STAT4: variants seen among roughly 807,000 people sequenced by gnomAD.
STAT4 encodes the protein signal transducer and activator of transcription 4.
Under a neutral mutation model 110.5 loss-of-function variants are expected in STAT4, and 42 were observed. The observed-to-expected ratio is 0.38, with a 90% CI of 0.30 to 0.49. STAT4 has a LOEUF of 0.49. STAT4 is among the 20% of genes least tolerant of loss of function. The pLI, the probability that STAT4 is intolerant of heterozygous loss-of-function variation, is 0.95. For missense variants in STAT4, 632 were observed against 887.9 expected (o/e 0.71, Z 3.66); for synonymous variants, 284 against 302.2 (o/e 0.94, Z 0.63).
intron 3 of STAT4, among the ~76,000 whole-genome samples, chr2:191,081,256 G>A (rs1205197048): frequency 6.6e-6 from 1 of 152,164 alleles, no homozygotes; most frequent in Admixed American, 6.5e-5. Context: ...GAGCATCTGG[G>A]TTGGTTCCAA....
At chr2:191,067,585 A>G (rs1697030245) in intron 6 of STAT4, among the ~76,000 whole-genome samples, 1 of 152,144 alleles carries the variant, frequency 6.6e-6, no homozygotes, top group African/African-American at 2.4e-5. Flanking sequence ...TTTAAAAATA[A>G]TTTGCTTCTA....
At position 191,030,009 on chromosome 2, in the gene STAT4, T is replaced by G; in HGVS notation, c.2221-143A>C. 1.5e-6 allele frequency: 1 copy of G among 679,214 alleles called. No homozygotes were observed. The highest frequency in any genetic ancestry group is 2.6e-5 in the East Asian group (1 of 37,854). 42.1% of individuals were successfully genotyped at this position (679,214 alleles called of 1,614,324 possible). On this transcript the variant is annotated intron_variant, in intron 23 of 23. Transcript: ENST00000392320. This position sits in a 1 kb window ranked among gnomAD's most constrained non-coding sequence, Gnocchi z 4.4. The stretch of plus-strand genomic sequence containing the variant: ...CTAGTTAAAATACTTAAACTAAGTA[T>G]TTGCAAAAGTAATTGGGGTTGATCA...
intron 6 of STAT4, among the ~76,000 whole-genome samples, chr2:191,069,256 G>A (rs1697078136): frequency 6.6e-6 from 1 of 151,870 alleles, no homozygotes; most frequent in Non-Finnish European, 1.5e-5. Context: ...TTTCTCCTAT[G>A]AAACACATTT....
intron 4 of STAT4, chr2:191,076,008 G>A (rs1158966209): frequency 1.0e-5 from 5 of 477,854 alleles, no homozygotes; most frequent in African/African-American, 9.8e-5. Context: ...TGCCACCATA[G>A]CCAACTAATT....
intron 3 of STAT4, among the ~76,000 whole-genome samples, chr2:191,121,641 A>C (rs1325099719): frequency 2.0e-5 from 3 of 152,196 alleles, no homozygotes; most frequent in African/African-American, 4.8e-5. Context: ...TGAAGCTGGA[A>C]ACCATCATTC....
rs1697775562 is a variant in STAT4, at chr2:191,090,757, T to TCACCGTGTTAGCCTGA, written c.274-14448_274-14433dup. ...TTGTATTTTTAGTAGAGACAGGGTT[T>TCACCGTGTTAGCCTGA]CACCGTGTTAGCCTGACACCGTGTT... On this transcript the variant is annotated intron_variant, in intron 3 of 23. Coordinates refer to ENST00000392320, the MANE Select transcript of STAT4 (RefSeq NM_003151.4). This position sits in a 1 kb window ranked among gnomAD's most constrained non-coding sequence, Gnocchi z 4.2. Among the ~76,000 whole-genome samples the TCACCGTGTTAGCCTGA allele has an allele frequency of 6.6e-6, 1 of 152,080 alleles. No homozygotes were observed. The highest frequency in any genetic ancestry group is 2.4e-5 in the African/African-American group (1 of 41,380).
intron 3 of STAT4, among the ~76,000 whole-genome samples, chr2:191,141,584 T>TACATATATATGTGTATATATACACACAC (rs1559085828): frequency 1.7e-5 from 2 of 120,470 alleles, no homozygotes; most frequent in African/African-American, 6.0e-5. Context: ...TATATACATA[T>TACATATATATGTGTATATATACACACAC]ACATATATAT....
Position 191,127,654 on chromosome 2 carries a change from G to C in STAT4, c.273+18959C>G, listed in dbSNP as rs577840016. Among the ~76,000 whole-genome samples, 4 of 152,234 alleles carry C rather than the reference G, an allele frequency of 2.6e-5. No homozygotes were observed. In the South Asian group the frequency reaches 8.3e-4, roughly 32 times the overall value. ...ATCAATATTCAGTCAACAAATATCTGGAGTAGATAGCCATTGTACCCCAAA... is the reference window on the plus strand; with the variant it reads ...ATCAATATTCAGTCAACAAATATCTCGAGTAGATAGCCATTGTACCCCAAA... On this transcript the variant is annotated intron_variant, in intron 3 of 23. Transcript: ENST00000392320.
rs11685878 is a variant in STAT4, at chr2:191,144,729, T to C, written c.273+1884A>G. ...AGCCCACAAAAGATGGGTTGTTTTCTTACCCCTGATTTACACTGAGAAAAT... is the reference window on the plus strand; with the variant it reads ...AGCCCACAAAAGATGGGTTGTTTTCCTACCCCTGATTTACACTGAGAAAAT... On this transcript the variant is annotated intron_variant, in intron 3 of 23. Coordinates refer to ENST00000392320, the MANE Select transcript of STAT4 (RefSeq NM_003151.4). The surrounding 1 kb of genome is among the most constrained non-coding windows in gnomAD (Gnocchi z 4.7). Among the ~76,000 whole-genome samples, 80,185 of 151,856 alleles carry C rather than the reference T, an allele frequency of 0.53. 22,535 individuals carry two copies. The highest frequency in any genetic ancestry group is 0.65 in the South Asian group (3,108 of 4,806).
intron 14 of STAT4, among the ~76,000 whole-genome samples, chr2:191,045,645 C>T (rs990834027): frequency 5.9e-5 from 9 of 152,180 alleles, no homozygotes; most frequent in African/African-American, 2.2e-4. Flanking sequence ...ATAATAAAAA[C>T]AGTCTAATGT....
intron 3 of STAT4, among the ~76,000 whole-genome samples, chr2:191,133,686 A>G (rs1349567020): frequency 6.6e-5 from 10 of 151,654 alleles, no homozygotes. Flanking sequence ...TTCTTAAGTC[A>G]TTCTATCTGA....
rs1177655517 is a variant in STAT4, at chr2:191,107,881, T to C, written c.274-31556A>G. ...TTTCTATAGGATGAAGGGCCCAAAG[T>C]TTCTACAGAACATTTCTTTCATTGA... On this transcript the variant is annotated intron_variant, in intron 3 of 23. Coordinates refer to ENST00000392320, the MANE Select transcript of STAT4 (RefSeq NM_003151.4). The surrounding 1 kb of genome is among the most constrained non-coding windows in gnomAD (Gnocchi z 4.2). Among the ~76,000 whole-genome samples the C allele has an allele frequency of 6.6e-6, 1 of 152,184 alleles. No individual in the cohort carries two copies. Among genetic ancestry groups the C allele is most frequent in the Non-Finnish European group, 1.5e-5 (1 of 68,032 alleles).
In STAT4 at chr2:191,150,593, C is replaced by T. The variant is rs1162803292; in HGVS notation, c.-2+354G>A. Among the ~76,000 whole-genome samples, 2 of 152,190 alleles carry T rather than the reference C, an allele frequency of 1.3e-5. No individual in the cohort carries two copies. The highest frequency in any genetic ancestry group is 2.9e-5 in the Non-Finnish European group (2 of 68,034). On this transcript the variant is annotated intron_variant, in intron 1 of 23. Coordinates refer to ENST00000392320, the MANE Select transcript of STAT4 (RefSeq NM_003151.4). The surrounding 1 kb of genome is among the most constrained non-coding windows in gnomAD (Gnocchi z 6.4). ...TTTTCTGAAATCCAGGTACGCTAAT[C>T]TAAAGTCAGACATCACAGCTCTAGA...
intron 3 of STAT4, among the ~76,000 whole-genome samples, chr2:191,106,517 A>T (rs987706831): frequency 8.6e-5 from 13 of 151,854 alleles, no homozygotes; most frequent in African/African-American, 2.9e-4. Flanking sequence ...TTAGCCGGGC[A>T]TGGTGGCGCA....
chr2:191,126,571 G>A (rs112843171), intron 3 of STAT4, among the ~76,000 whole-genome samples: 41 of 152,276 alleles, frequency 2.7e-4, no homozygotes, highest in African/African-American at 6.7e-4. Context: ...TCAGTGGTAC[G>A]GTTAGTTGTC....
At position 191,138,669 on chromosome 2, in the gene STAT4, A is replaced by G. The variant is rs755652776; in HGVS notation, c.273+7944T>C. 1.1e-4 allele frequency among the ~76,000 whole-genome samples: 17 copies of G among 152,240 alleles called. No individual in the cohort carries two copies. The highest frequency in any genetic ancestry group is 2.6e-4 in the Admixed American group (4 of 15,286). On this transcript the variant is annotated intron_variant, in intron 3 of 23. Coordinates refer to ENST00000392320, the MANE Select transcript of STAT4 (RefSeq NM_003151.4). The surrounding 1 kb of genome is among the most constrained non-coding windows in gnomAD (Gnocchi z 4.3). The stretch of plus-strand genomic sequence containing the variant: ...CCAGATGGATTCACAGCTGAATTCT[A>G]TCAGACATTCAAAGAAGAATTGGTA...
rs971130093 is a variant in STAT4, at chr2:191,090,530, T to C, written c.274-14205A>G. On this transcript the variant is annotated intron_variant, in intron 3 of 23. Transcript: ENST00000392320. This position sits in a 1 kb window ranked among gnomAD's most constrained non-coding sequence, Gnocchi z 4.2. ...ATTAGCTGCAGGTATATATAGCTTGTCTTACCTTATTTATTTATTTTTAAA... is the reference window on the plus strand; with the variant it reads ...ATTAGCTGCAGGTATATATAGCTTGCCTTACCTTATTTATTTATTTTTAAA... 6.6e-6 allele frequency among the ~76,000 whole-genome samples: 1 copy of C among 152,046 alleles called. No homozygotes were observed. The highest frequency in any genetic ancestry group is 2.4e-5 in the African/African-American group (1 of 41,406).
In STAT4 at chr2:191,033,923, A is replaced by G; in HGVS notation, c.1703T>C (p.Leu568Pro). 1 of 1,608,940 alleles carries G rather than the reference A, an allele frequency of 6.2e-7. No individual in the cohort carries two copies. Among genetic ancestry groups the G allele is most frequent in the Non-Finnish European group, 8.5e-7 (1 of 1,177,950 alleles). Residue 568 changes from leucine to proline, a missense_variant, in exon 19 of 24, where the codon CTT becomes CCT. Coordinates refer to ENST00000392320, the MANE Select transcript of STAT4 (RefSeq NM_003151.4). The surrounding 1 kb of genome is among the most constrained non-coding windows in gnomAD (Gnocchi z 6.9). ...LDLIKKHILPLWIDGYVMGFV... is the reference protein window; with the variant it reads ...LDLIKKHILPPWIDGYVMGFV... The stretch of plus-strand genomic sequence containing the variant: ...GCCTATAACTTACCCATCAATCCAA[A>G]GGGGAAGAATGTGTTTCTTAATTAG...
chr2:191,054,428 T>TA lies in STAT4; in HGVS notation c.1251+61dup, dbSNP rs926252117. 1.8e-5 allele frequency: 25 copies of TA among 1,386,718 alleles called. No individual in the cohort carries two copies. The African/African-American group carries it at 3.5e-4, about 19-fold the overall frequency. 85.9% of individuals were successfully genotyped at this position (1,386,718 alleles called of 1,614,324 possible). A position where few individuals can be genotyped will look rare whatever the true frequency, so the allele number is the denominator to read the frequency against. On this transcript the variant is annotated intron_variant, in intron 14 of 23. Coordinates refer to ENST00000392320, the MANE Select transcript of STAT4 (RefSeq NM_003151.4). ...GAAGTCAAGCAGTTTAAAAGCTTTG[T>TA]AAAAATAAGATATTATAAGATCTGT...
Sources: gnomAD v4.1 joint callset for allele counts (sites outside exome capture counted in the v4.1 genomes callset) on GRCh38, gnomAD v4.1.1 for gene constraint, Gnocchi (gnomAD v3.1) non-coding constraint, MANE v1.5 for transcripts, NCBI Gene and HGNC (gene_info 2026-07-23, HGNC 2026-07-21) for gene names.